SLC9A9: variants seen among roughly 807,000 people sequenced by gnomAD.
The protein encoded by SLC9A9 is solute carrier family 9 member A9, also known as sodium/hydrogen exchanger 9.
In SLC9A9, 62 loss-of-function variants were observed where a neutral mutation model predicts 77.8. The observed-to-expected ratio is 0.80, with a 90% CI of 0.65 to 0.98. SLC9A9 has a LOEUF of 0.98. Among genes scored for constraint, SLC9A9 ranks in the 50% least tolerant of loss-of-function variants. SLC9A9 has a pLI of 0.00. For synonymous variants in SLC9A9, 320 were observed against 283.5 expected (o/e 1.13, Z -1.29); for missense variants, 775 against 774.9 (o/e 1.00, Z 0.00).
intron 4 of SLC9A9, among the ~76,000 whole-genome samples, chr3:143,728,727 G>A (rs1032397702): frequency 6.6e-6 from 1 of 152,058 alleles, no homozygotes; most frequent in African/African-American, 2.4e-5. Flanking sequence ...CAGCAGTGAG[G>A]ACGTTAAGGG....
chr3:143,510,337 T>C (rs555518548), intron 9 of SLC9A9, among the ~76,000 whole-genome samples: 4 of 152,306 alleles, frequency 2.6e-5, no homozygotes, highest in East Asian at 3.9e-4. Context: ...AGAACTGTAA[T>C]ATTCAAAGAA....
Position 143,832,096 on chromosome 3 carries a change from C to G in SLC9A9, c.301G>C (p.Val101Leu). The change falls in exon 2 of 16, where the codon GTT (valine) becomes CTT (leucine). Residue 101 changes from valine to leucine, a missense_variant. Coordinates refer to ENST00000316549, the MANE Select transcript of SLC9A9 (RefSeq NM_173653.4). ...TCTCTTTTGTATTTATATTCATAAA[C>G]TTGGTCAGTGATATTAACCAGCAGA... The part of the protein sequence containing the change: ...STLLVNITDQ[V>L]YEYKYKREIS... 1 of 1,613,040 alleles carries G rather than the reference C, an allele frequency of 6.2e-7. No homozygotes were observed. The highest frequency in any genetic ancestry group is 2.2e-5 in the East Asian group (1 of 44,784).
At chr3:143,719,467 TAA>T (rs142292378) in intron 4 of SLC9A9, among the ~76,000 whole-genome samples, 3,949 of 152,252 alleles carry the variant, frequency 0.026, 159 homozygotes, top group African/African-American at 0.089. Context: ...AGAAATTCAT[TAA>T]AAGAGTTCTG....
At position 143,363,684 on chromosome 3, in the gene SLC9A9, A is replaced by G; in HGVS notation, c.1525-121T>C. 3 of 841,646 alleles carry G rather than the reference A, an allele frequency of 3.6e-6. No individual in the cohort carries two copies. The South Asian group carries it at 4.8e-5, about 13-fold the overall frequency. 52.1% of individuals were successfully genotyped at this position (841,646 alleles called of 1,614,324 possible). On this transcript the variant is annotated intron_variant, in intron 13 of 15. Coordinates refer to ENST00000316549, the MANE Select transcript of SLC9A9 (RefSeq NM_173653.4). ...AAAAAAAACCTTTCTAAGTATAGGC[A>G]TTTTCATCTAAATGGTGAAGCAGTT...
At chr3:143,385,320 T>C (rs1283697033) in intron 12 of SLC9A9, among the ~76,000 whole-genome samples, 1 of 152,204 alleles carries the variant, frequency 6.6e-6, no homozygotes, top group Non-Finnish European at 1.5e-5. Context: ...AATTTAAATA[T>C]TATAGAAAGG....
intron 11 of SLC9A9, among the ~76,000 whole-genome samples, chr3:143,492,780 A>C (rs528508296): frequency 2.2e-4 from 34 of 152,328 alleles, no homozygotes; most frequent in African/African-American, 7.9e-4. Context: ...ATATGCCCCT[A>C]TGTACCCTAA....
intron 5 of SLC9A9, among the ~76,000 whole-genome samples, chr3:143,672,940 A>G (rs746302607): frequency 3.6e-4 from 55 of 152,296 alleles, no homozygotes; most frequent in Middle Eastern, 3.4e-3. Flanking sequence ...ACATCACCTG[A>G]GCAGCCGTAA....
intron 6 of SLC9A9, among the ~76,000 whole-genome samples, chr3:143,623,571 A>G (rs1205104757): frequency 6.6e-6 from 1 of 152,224 alleles, no homozygotes; most frequent in East Asian, 1.9e-4. Context: ...ACCAACGAGA[A>G]CAAAGACACA....
At chr3:143,427,723 C>T (rs766485112) in intron 12 of SLC9A9, among the ~76,000 whole-genome samples, 1 of 152,180 alleles carries the variant, frequency 6.6e-6, no homozygotes, top group Non-Finnish European at 1.5e-5. Flanking sequence ...TCTGATAGTT[C>T]ATCTTTTATC....
intron 12 of SLC9A9, among the ~76,000 whole-genome samples, chr3:143,461,865 A>C (rs2035200333): frequency 6.6e-6 from 1 of 152,206 alleles, no homozygotes; most frequent in Non-Finnish European, 1.5e-5. Context: ...GTAATCAAGG[A>C]AGTCTGTATG....
intron 11 of SLC9A9, among the ~76,000 whole-genome samples, chr3:143,492,160 C>T (rs1338236964): frequency 3.3e-5 from 5 of 151,950 alleles, no homozygotes; most frequent in African/African-American, 7.3e-5. Context: ...GGCGTGGTGG[C>T]AGGCGCCTGT....
intron 1 of SLC9A9, among the ~76,000 whole-genome samples, chr3:143,832,966 A>C (rs574372656): frequency 6.6e-6 from 1 of 152,284 alleles, no homozygotes; most frequent in Non-Finnish European, 1.5e-5. Context: ...TTGTAGCCAA[A>C]TGCATTCTAA....
chr3:143,314,002 G>A (rs2031116830), intron 14 of SLC9A9, among the ~76,000 whole-genome samples: 1 of 152,198 alleles, frequency 6.6e-6, no homozygotes, highest in Non-Finnish European at 1.5e-5. Flanking sequence ...CATGGGCGGG[G>A]TGGAGAGGGA....
chr3:143,334,567 A>C (rs1378183724), intron 14 of SLC9A9, among the ~76,000 whole-genome samples: 1 of 152,180 alleles, frequency 6.6e-6, no homozygotes, highest in Non-Finnish European at 1.5e-5. Context: ...CTTCTGTAAA[A>C]CGGGCTTAGT....
intron 11 of SLC9A9, among the ~76,000 whole-genome samples, chr3:143,467,652 A>C (rs2035305831): frequency 6.6e-6 from 1 of 151,968 alleles, no homozygotes; most frequent in Non-Finnish European, 1.5e-5. Flanking sequence ...GGATCACTTA[A>C]GCCCAGGAGT....
intron 6 of SLC9A9, among the ~76,000 whole-genome samples, chr3:143,614,164 G>C (rs973291560): frequency 1.6e-4 from 25 of 152,232 alleles, no homozygotes; most frequent in African/African-American, 4.8e-4. Flanking sequence ...ACCAAGGCAG[G>C]CAATAAGGGT....
At chr3:143,764,960 G>C (rs996975302) in intron 4 of SLC9A9, among the ~76,000 whole-genome samples, 29 of 141,610 alleles carry the variant, frequency 2.0e-4, no homozygotes, top group Non-Finnish European at 1.3e-4. Flanking sequence ...CTTCCTTTTT[G>C]TTTCTCTTTC....
At chr3:143,722,472 CAAAA>C (rs60995925) in intron 4 of SLC9A9, among the ~76,000 whole-genome samples, 13 of 58,344 alleles carry the variant, frequency 2.2e-4, no homozygotes, top group Non-Finnish European at 2.9e-4. Context: ...GACTCCATCT[CAAAA>C]AAAAAAAAAA....
Position 143,832,157 on chromosome 3 carries a change from G to T in SLC9A9, c.240C>A (p.Val80=). The stretch of plus-strand genomic sequence containing the variant: ...TGAAAGTTAGTTTTACACAGTCATA[G>T]ACAGTTCCACTTTCAATATCAGTTG... ...TAPTDIESGT[V]YDCVKLTFSP... is the part of the protein sequence containing the mutation. The change falls in exon 2 of 16, where the codon GTC becomes GTA. Residue 80 remains valine (V), a synonymous_variant. Transcript: ENST00000316549. 6.2e-7 allele frequency: 1 copy of T among 1,613,098 alleles called. No individual in the cohort carries two copies. Among genetic ancestry groups the T allele is most frequent in the Non-Finnish European group, 8.5e-7 (1 of 1,179,566 alleles).
Sources: gnomAD v4.1 joint callset for allele counts (sites outside exome capture counted in the v4.1 genomes callset) on GRCh38, gnomAD v4.1.1 for gene constraint, MANE v1.5 for transcripts, NCBI Gene and HGNC (gene_info 2026-07-23, HGNC 2026-07-21) for gene names.